The following PRKCH variants were observed in gnomAD, a reference collection of about 807,000 sequenced individuals.
The protein encoded by PRKCH is protein kinase C eta, also known as protein kinase C eta type.
PRKCH carries 28 observed loss-of-function variants against 82.5 expected under a neutral mutation model. That is an observed-to-expected ratio of 0.34 (90% CI 0.25 to 0.47). The LOEUF (loss-of-function observed/expected upper bound fraction) is 0.47, where lower values mean the gene tolerates loss of function less well. Among genes scored for constraint, PRKCH ranks in the 20% least tolerant of loss-of-function variants. The probability of loss-of-function intolerance (pLI) is 1.00; values close to 1 mark genes in which losing one functional copy is unlikely to be tolerated. For missense variants in PRKCH, 705 were observed against 881.8 expected, an observed-to-expected ratio of 0.80 and a Z score of 2.54; for synonymous variants, 322 against 327.4, an observed-to-expected ratio of 0.98 and a Z score of 0.18.
intron 1 of PRKCH, among the ~76,000 whole-genome samples, chr14:61,200,579 T>C (rs1041336283): frequency 2.0e-5 from 3 of 152,198 alleles, no homozygotes; most frequent in Admixed American, 1.3e-4. Context: ...CTCCTCAAAA[T>C]TGACCATTCA....
upstream of PRKCH, among the ~76,000 whole-genome samples, chr14:61,319,893 C>G (rs950358803): frequency 1.3e-5 from 2 of 152,250 alleles, no homozygotes; most frequent in Admixed American, 6.5e-5. Flanking sequence ...CCTTTCCCCC[C>G]TGGCCCATTG....
rs374633061 is a variant in PRKCH, at chr14:61,414,889, C to G, written c.427+23601C>G. On this transcript the variant is annotated intron_variant, in intron 2 of 13. Transcript: ENST00000332981. ...CCCCCTCTGCCAAGCACCATACTATCCTGATTCTGTTTCTATCCCTTTGTC... is the reference window on the plus strand; with the variant it reads ...CCCCCTCTGCCAAGCACCATACTATGCTGATTCTGTTTCTATCCCTTTGTC... Among the ~76,000 whole-genome samples the G allele has an allele frequency of 1.4e-4, 22 of 152,266 alleles. No individual in the cohort carries two copies. In the East Asian group the frequency reaches 4.1e-3, roughly 28 times the overall value.
chr14:61,514,144 G>A (rs978677955), intron 10 of PRKCH, among the ~76,000 whole-genome samples: 13 of 152,038 alleles, frequency 8.6e-5, no homozygotes, highest in African/African-American at 1.4e-4. Flanking sequence ...AGAACATGCC[G>A]GGGATACCAG....
At chr14:61,277,613 GAAGTCCAA>G (rs1417167079) in intron 1 of PRKCH, 2 of 152,178 alleles carry the variant, frequency 1.3e-5, no homozygotes, top group Non-Finnish European at 2.9e-5. Context: ...CTGCTGCTTT[GAAGTCCAA>G]AATATCCAAT....
intron 1 of PRKCH, among the ~76,000 whole-genome samples, chr14:61,296,440 A>G (rs1403009959): frequency 6.6e-6 from 1 of 152,204 alleles, no homozygotes; most frequent in African/African-American, 2.4e-5. Context: ...AGTGTGAGCA[A>G]TGGAAAATTC....
chr14:61,506,502 C>T (rs765871736), intron 10 of PRKCH, among the ~76,000 whole-genome samples: 16 of 152,118 alleles, frequency 1.1e-4, no homozygotes, highest in Non-Finnish European at 2.1e-4. Flanking sequence ...CCCCTGGACT[C>T]TCGCATGAGT....
intron 1 of PRKCH, among the ~76,000 whole-genome samples, chr14:61,256,375 G>A (rs917248617): frequency 4.6e-5 from 7 of 152,254 alleles, no homozygotes; most frequent in African/African-American, 1.2e-4. Context: ...TGAATTCCCC[G>A]GAGTTGGTTT....
chr14:61,511,325 T>G (rs962702598), intron 10 of PRKCH, among the ~76,000 whole-genome samples: 4 of 152,012 alleles, frequency 2.6e-5, no homozygotes, highest in African/African-American at 9.7e-5. Flanking sequence ...CTGCAAAGCC[T>G]CCTCTAGAAG....
chr14:61,493,320 T>C (rs912266996), intron 10 of PRKCH, among the ~76,000 whole-genome samples: 25 of 152,182 alleles, frequency 1.6e-4, no homozygotes, highest in African/African-American at 5.5e-4. Context: ...GTCACGTCCT[T>C]GTCTAAATGG....
chr14:61,423,274 CTAA>C (rs1332648403), intron 2 of PRKCH, among the ~76,000 whole-genome samples: 2 of 152,166 alleles, frequency 1.3e-5, no homozygotes, highest in Non-Finnish European at 2.9e-5. Flanking sequence ...CAGGGATACA[CTAA>C]TAAGATGGGT....
At chr14:61,260,816 T>C (rs2045038344) in intron 1 of PRKCH, among the ~76,000 whole-genome samples, 1 of 152,140 alleles carries the variant, frequency 6.6e-6, no homozygotes, top group Non-Finnish European at 1.5e-5. Flanking sequence ...TTGCGGATAA[T>C]CACAAAACGT....
At chr14:61,335,786 A>G (rs947003537) in intron 1 of PRKCH, among the ~76,000 whole-genome samples, 2 of 152,248 alleles carry the variant, frequency 1.3e-5, no homozygotes, top group African/African-American at 2.4e-5. Context: ...TAAAGAAGAC[A>G]CATTAACATT....
intron 1 of PRKCH, among the ~76,000 whole-genome samples, chr14:61,188,473 G>T (rs1195986894): frequency 3.0e-5 from 4 of 135,518 alleles, no homozygotes; most frequent in African/African-American, 1.1e-4. Context: ...GCTCGGGCAG[G>T]CGGCCTTGTG....
At chr14:61,323,347 C>A (rs2045655952) in intron 1 of PRKCH, among the ~76,000 whole-genome samples, 1 of 152,182 alleles carries the variant, frequency 6.6e-6, no homozygotes, top group Admixed American at 6.5e-5. Context: ...ACTGCCTAAT[C>A]CTCACACTGT....
intron 1 of PRKCH, among the ~76,000 whole-genome samples, chr14:61,342,848 C>T (rs1368087939): frequency 6.6e-6 from 1 of 152,152 alleles, no homozygotes; most frequent in African/African-American, 2.4e-5. Context: ...AGACCAGCAG[C>T]CAAAAAGATT....
intron 2 of PRKCH, among the ~76,000 whole-genome samples, chr14:61,416,672 TTCTC>T (rs576201921): frequency 1.6e-3 from 248 of 151,988 alleles, no homozygotes; most frequent in African/African-American, 5.9e-3. Flanking sequence ...CCACCCCTGC[TTCTC>T]TCTCCTGTCC....
intron 1 of PRKCH, among the ~76,000 whole-genome samples, chr14:61,369,998 C>T (rs1198368007): frequency 6.6e-6 from 1 of 151,896 alleles, no homozygotes; most frequent in Non-Finnish European, 1.5e-5. Flanking sequence ...CTTGCTCTGT[C>T]ACCCAGGTTG....
chr14:61,545,554 G>A (rs903444712), intron 12 of PRKCH, among the ~76,000 whole-genome samples: 1 of 152,184 alleles, frequency 6.6e-6, no homozygotes, highest in African/African-American at 2.4e-5. Flanking sequence ...GTGTGTGTGT[G>A]TGTTTTGTTT....
chr14:61,339,679 T>C (rs1472116767), intron 1 of PRKCH, among the ~76,000 whole-genome samples: 1 of 127,026 alleles, frequency 7.9e-6, no homozygotes, highest in African/African-American at 3.0e-5. Flanking sequence ...TGAGCTGAGA[T>C]TGCACCACTG....
Sources: gnomAD v4.1 joint callset for allele counts (sites outside exome capture counted in the v4.1 genomes callset) on GRCh38, gnomAD v4.1.1 for gene constraint, MANE v1.5 for transcripts, NCBI Gene and HGNC (gene_info 2026-07-23, HGNC 2026-07-21) for gene names.